Variants in GRM1 observed in about 807,000 individuals in gnomAD.
GRM1 encodes glutamate metabotropic receptor 1.
In GRM1, 33 loss-of-function variants were observed where a neutral mutation model predicts 90.9. That is an observed-to-expected ratio of 0.36 (90% CI 0.28 to 0.49). The LOEUF is 0.49. Among genes scored for constraint, GRM1 ranks in the 20% least tolerant of loss-of-function variants. GRM1 has a pLI of 0.99. For synonymous variants in GRM1, 700 were observed against 613.2 expected, an observed-to-expected ratio of 1.14 and a Z score of -2.09; for missense variants, 1,190 against 1,534.3, an observed-to-expected ratio of 0.78 and a Z score of 3.75.
At chr6:146,255,077 C>T (rs1269706656) in intron 2 of GRM1, among the ~76,000 whole-genome samples, 2 of 152,136 alleles carry the variant, frequency 1.3e-5, no homozygotes, top group African/African-American at 4.8e-5. Flanking sequence ...ACTACAACCG[C>T]CTTCTTGAAA....
intron 2 of GRM1, among the ~76,000 whole-genome samples, chr6:146,213,277 G>A (rs1031294120): frequency 6.6e-6 from 1 of 152,090 alleles, no homozygotes; most frequent in Non-Finnish European, 1.5e-5. Flanking sequence ...AAATGAGAGG[G>A]TTGGAGTGTC....
chr6:146,368,665 T>G (rs1226327593), intron 5 of GRM1, among the ~76,000 whole-genome samples: 1 of 152,072 alleles, frequency 6.6e-6, no homozygotes, highest in Non-Finnish European at 1.5e-5. Flanking sequence ...GTTGATGTGG[T>G]ATTAAACCAT....
chr6:146,360,312 T>C (rs1359406066), intron 5 of GRM1, among the ~76,000 whole-genome samples: 1 of 152,128 alleles, frequency 6.6e-6, no homozygotes, highest in Admixed American at 6.5e-5. Context: ...TATTGATTTT[T>C]AGAATTATAA....
chr6:146,347,142 T>G (rs1785214092), intron 3 of GRM1, among the ~76,000 whole-genome samples: 1 of 152,244 alleles, frequency 6.6e-6, no homozygotes, highest in Non-Finnish European at 1.5e-5. Context: ...TTCTGAACAT[T>G]CAAACTGGCA....
chr6:146,159,156 A>T (rs1174786851), intron 1 of GRM1, among the ~76,000 whole-genome samples, 192 bp from the exon 2 acceptor site: 2 of 152,226 alleles, frequency 1.3e-5, no homozygotes, highest in Non-Finnish European at 2.9e-5. Context: ...TTATTTCCAC[A>T]GAGTTGATTG....
chr6:146,102,296 T>G (rs1777078407), intron 1 of GRM1, among the ~76,000 whole-genome samples: 1 of 152,186 alleles, frequency 6.6e-6, no homozygotes. Context: ...CCAACTTCAT[T>G]ATATCTAAGA....
At chr6:146,051,427 G>A (rs527515642) in intron 1 of GRM1, among the ~76,000 whole-genome samples, 7 of 152,152 alleles carry the variant, frequency 4.6e-5, no homozygotes, top group Non-Finnish European at 8.8e-5. Context: ...ACTGGAGCTA[G>A]CACATAATTT....
At chr6:146,213,684 TTAGATAGA>T (rs750265154) in intron 2 of GRM1, among the ~76,000 whole-genome samples, 4,481 of 146,402 alleles carry the variant, frequency 0.031, 157 homozygotes, top group African/African-American at 0.094. Flanking sequence ...GATGGAAAGA[TTAGATAGA>T]TAGATAGATA....
At chr6:146,235,397 A>G (rs575081645) in intron 2 of GRM1, among the ~76,000 whole-genome samples, 1 of 152,148 alleles carries the variant, frequency 6.6e-6, no homozygotes, top group Non-Finnish European at 1.5e-5. Context: ...TGTGTGTATT[A>G]TGTGCTCATT....
intron 2 of GRM1, among the ~76,000 whole-genome samples, chr6:146,203,138 G>A (rs1779373085): frequency 6.6e-6 from 1 of 151,816 alleles, no homozygotes; most frequent in South Asian, 2.1e-4. Flanking sequence ...AGCTTGCAGT[G>A]AGCCAAGATA....
At chr6:146,251,132 C>G (rs1781254362) in intron 2 of GRM1, among the ~76,000 whole-genome samples, 1 of 152,178 alleles carries the variant, frequency 6.6e-6, no homozygotes, top group Non-Finnish European at 1.5e-5. Flanking sequence ...CCATCTATCT[C>G]TTTCTAAATG....
intron 2 of GRM1, among the ~76,000 whole-genome samples, chr6:146,288,402 C>T (rs1044453292): frequency 6.6e-6 from 1 of 152,164 alleles, no homozygotes; most frequent in African/African-American, 2.4e-5. Flanking sequence ...GGATATTTAG[C>T]TAAGGTGACT....
chr6:146,365,101 C>G (rs976198597), intron 5 of GRM1: 2 of 152,130 alleles, frequency 1.3e-5, no homozygotes, highest in Admixed American at 6.6e-5. Context: ...AAATTGCCCA[C>G]AGGCATATCA....
intron 2 of GRM1, among the ~76,000 whole-genome samples, chr6:146,209,802 A>G (rs552760285): frequency 6.6e-6 from 1 of 152,298 alleles, no homozygotes; most frequent in South Asian, 2.1e-4. Context: ...GATGAGTAGT[A>G]GATACTTTAC....
chr6:146,133,415 G>A (rs754623185), intron 1 of GRM1, among the ~76,000 whole-genome samples: 9 of 152,156 alleles, frequency 5.9e-5, no homozygotes, highest in Admixed American at 2.0e-4. Flanking sequence ...AATTGCATTT[G>A]TACACAAGGA....
chr6:146,277,005 G>A (rs1782395445), intron 2 of GRM1, among the ~76,000 whole-genome samples: 1 of 152,162 alleles, frequency 6.6e-6, no homozygotes, highest in East Asian at 1.9e-4. Flanking sequence ...CTACTCAGGA[G>A]GCTGAGGTGG....
At chr6:146,252,656 A>AGTTT (rs1345673923) in intron 2 of GRM1, among the ~76,000 whole-genome samples, 1 of 152,192 alleles carries the variant, frequency 6.6e-6, no homozygotes, top group Non-Finnish European at 1.5e-5. Flanking sequence ...AGAGTTTTAG[A>AGTTT]GTTTTCCAGC....
intron 3 of GRM1, among the ~76,000 whole-genome samples, chr6:146,313,847 C>G (rs959844152): frequency 6.6e-6 from 1 of 152,004 alleles, no homozygotes; most frequent in African/African-American, 2.4e-5. Context: ...TTGAAAATCC[C>G]TCTCGTCTAC....
Position 146,362,593 on chromosome 6 carries a change from G to A in GRM1, c.1602+4899G>A, listed in dbSNP as rs1276214309. On this transcript the variant is annotated intron_variant, in intron 5 of 7. Transcript: ENST00000282753. ...ACTCAGGAGGCTGAGGCAGGAGAAT[G>A]GCATGAACCTGGGAGGCAGAGCTTG... Among the ~76,000 whole-genome samples the A allele has an allele frequency of 2.0e-5, 3 of 148,378 alleles. No individual in the cohort carries two copies. In the East Asian group the frequency reaches 6.1e-4, roughly 30 times the overall value.
Sources: allele counts gnomAD v4.1 joint callset (sites outside exome capture counted in the v4.1 genomes callset), GRCh38; gene constraint gnomAD v4.1.1; transcripts MANE v1.5; gene names NCBI Gene and HGNC (gene_info 2026-07-23, HGNC 2026-07-21).